The following EIF5A2 variants were observed in gnomAD, a reference collection of about 807,000 sequenced individuals.
EIF5A2 encodes eukaryotic translation initiation factor 5A2, also known as eukaryotic translation initiation factor 5A-2.
EIF5A2 carries 15 observed loss-of-function variants against 16.4 expected under a neutral mutation model. The ratio of observed to expected loss-of-function variants is 0.92; its 90% confidence interval spans 0.61 to 1.41. The LOEUF is 1.41. Among genes scored for constraint, EIF5A2 ranks in the 40% most tolerant of loss-of-function variants. The pLI is 0.00. For synonymous variants in EIF5A2, 48 were observed against 61.1 expected (o/e 0.79, Z 1.00); for missense variants, 144 against 189.5 (o/e 0.76, Z 1.41).
At chr3:170,897,663 A>G (rs1012156434) in intron 3 of EIF5A2, among the ~76,000 whole-genome samples, 1 of 152,232 alleles carries the variant, frequency 6.6e-6, no homozygotes, top group Admixed American at 6.5e-5. Context: ...AAATGCCTGG[A>G]GGTCCAAGCA....
chr3:170,902,363 A>C (rs1021228626), intron 3 of EIF5A2, among the ~76,000 whole-genome samples: 1 of 150,250 alleles, frequency 6.7e-6, no homozygotes, highest in Non-Finnish European at 1.5e-5. Context: ...GTGGATTTGC[A>C]CTGATTATGA....
chr3:170,899,421 TA>T (rs1189966161), intron 3 of EIF5A2, among the ~76,000 whole-genome samples: 1 of 152,094 alleles, frequency 6.6e-6, no homozygotes, highest in African/African-American at 2.4e-5. Flanking sequence ...TTTATTTTTT[TA>T]ATTTTTATTT....
Position 170,891,323 on chromosome 3 carries a change from TA to T in EIF5A2, c.*2036del, listed in dbSNP as rs1443415003. 4.6e-5 allele frequency: 7 copies of T among 152,642 alleles called. No homozygotes were observed. The highest frequency in any genetic ancestry group is 2.9e-5 in the Non-Finnish European group (2 of 68,034). 9.5% of individuals were successfully genotyped at this position (152,642 alleles called of 1,614,324 possible). A position where few individuals can be genotyped will look rare whatever the true frequency, so the allele number is the denominator to read the frequency against. On this transcript the variant is annotated 3_prime_UTR_variant, in exon 5 of 5. Coordinates refer to ENST00000295822, the MANE Select transcript of EIF5A2 (RefSeq NM_020390.6). ...ACTAGAGCAGTATGTAGTAGGTACTTAAATAGAATACTGGAAAGAATGTAGC... is the reference window on the plus strand; with the variant it reads ...ACTAGAGCAGTATGTAGTAGGTACTTAATAGAATACTGGAAAGAATGTAGC...
chr3:170,894,509 T>A lies in EIF5A2; in HGVS notation c.271-86A>T, dbSNP rs1210287241. On this transcript the variant is annotated intron_variant, in intron 3 of 4. Coordinates refer to ENST00000295822, the MANE Select transcript of EIF5A2 (RefSeq NM_020390.6). ...TACATAGTTAAATTGCAATTGATAT[T>A]AATTCATATAAGTATACAGTAATAT... The A allele has an allele frequency of 4.3e-6, 5 of 1,167,284 alleles. No individual in the cohort carries two copies. The Admixed American group carries it at 7.8e-5, about 18-fold the overall frequency. 72.3% of individuals were successfully genotyped at this position (1,167,284 alleles called of 1,614,324 possible).
Position 170,893,416 on chromosome 3 carries a change from A to C in EIF5A2, c.406T>G (p.Ser136Ala). The C allele has an allele frequency of 1.2e-6, 2 of 1,613,876 alleles. No homozygotes were observed. Among genetic ancestry groups the C allele is most frequent in the Non-Finnish European group, 1.7e-6 (2 of 1,179,954 alleles). The change falls in exon 5 of 5, where the codon TCT (serine) becomes GCT (alanine). Residue 136 changes from serine to alanine, a missense_variant. Transcript: ENST00000295822. Reference protein sequence around the residue: ...KYNAGEDVQVSVMCAMSEEYA... With the variant: ...KYNAGEDVQVAVMCAMSEEYA... ...TCTTCACTCATTGCACACATGACAG[A>C]CACCTAGAAGGAAAAAAGCAGGCAA...
chr3:170,896,481 G>A (rs571204100), intron 3 of EIF5A2, among the ~76,000 whole-genome samples: 66 of 152,218 alleles, frequency 4.3e-4, no homozygotes, highest in African/African-American at 1.3e-3. Flanking sequence ...GTCAGTCTCC[G>A]CAATGCTGTT....
At chr3:170,905,415 T>C (rs1215799502) in intron 3 of EIF5A2, among the ~76,000 whole-genome samples, 2 of 152,244 alleles carry the variant, frequency 1.3e-5, no homozygotes, top group Admixed American at 1.3e-4. Context: ...GAACTGCTGA[T>C]ACCATCTTTC....
rs192233758 is a variant in EIF5A2, at chr3:170,893,369, G to A, written c.453C>T (p.Pro151=). The A allele has an allele frequency of 1.2e-6, 2 of 1,613,918 alleles. No individual in the cohort carries two copies. Among genetic ancestry groups the A allele is most frequent in the Admixed American group, 3.3e-5 (2 of 60,018 alleles). The change falls in exon 5 of 5, where the codon CCC becomes CCT. Residue 151 remains proline, a synonymous_variant. Coordinates refer to ENST00000295822, the MANE Select transcript of EIF5A2 (RefSeq NM_020390.6). ...TGCCTGATGTTTCCGTTTATTTGCA[G>A]GGTTTTATGGCTACAGCATATTCTT... The part of the protein sequence containing the change: ...MSEEYAVAIK[P]CK
intron 4 of EIF5A2, 98 bp downstream of exon 4, chr3:170,894,194 T>C (rs1006131617): frequency 7.4e-7 from 1 of 1,351,534 alleles, no homozygotes. Context: ...TAGCAGTATT[T>C]TTAAACCACA....
At chr3:170,894,824 A>C (rs1712629045) in intron 3 of EIF5A2, among the ~76,000 whole-genome samples, 2 of 151,544 alleles carry the variant, frequency 1.3e-5, no homozygotes, top group Admixed American at 6.6e-5. Context: ...CAGGAGATTG[A>C]GACCATCCTG....
chr3:170,896,170 T>C (rs1184380169), intron 3 of EIF5A2, among the ~76,000 whole-genome samples: 1 of 152,232 alleles, frequency 6.6e-6, no homozygotes, highest in Non-Finnish European at 1.5e-5. Flanking sequence ...AGCTATTTTA[T>C]TTTTTAAGAG....
At chr3:170,903,578 C>T (rs1407242710) in intron 3 of EIF5A2, among the ~76,000 whole-genome samples, 8 of 152,174 alleles carry the variant, frequency 5.3e-5, no homozygotes, top group Admixed American at 4.6e-4. Flanking sequence ...GTCCTCGCAA[C>T]ATTGGGCCCT....
Position 170,892,428 on chromosome 3 carries a change from CAAAA to C in EIF5A2, c.*928_*931del, listed in dbSNP as rs34403814. ...TGGCTGATGGAGTGAGACTCAGTCT[CAAAA>C]AAAAAAAAAAAAAAAAGGAAGTTGG... is the stretch of plus-strand genomic sequence containing the variant. On this transcript the variant is annotated 3_prime_UTR_variant, in exon 5 of 5. Coordinates refer to ENST00000295822, the MANE Select transcript of EIF5A2 (RefSeq NM_020390.6). 16 of 81,782 alleles carry C rather than the reference CAAAA, an allele frequency of 2.0e-4. No homozygotes were observed. Among genetic ancestry groups the C allele is most frequent in the East Asian group, 3.7e-4 (1 of 2,730 alleles). The allele number at this position is 81,782 out of a possible 1,614,324, so 5.1% of individuals were successfully genotyped here. A position where few individuals can be genotyped will look rare whatever the true frequency, so the allele number is the denominator to read the frequency against.
chr3:170,894,330 C>G lies in EIF5A2; in HGVS notation c.364G>C (p.Glu122Gln), dbSNP rs1260209400. The change falls in exon 4 of 5, where the codon GAA (glutamate) becomes CAA (glutamine). Residue 122 changes from glutamate (E) to glutamine (Q), a missense_variant. Physicochemically the swap from Glu to Gln is conservative, Grantham distance 29 (BLOSUM62 2). Transcript: ENST00000295822. ...LKLPEGELGK[E>Q]IEGKYNAGED... ...CCTGCATTGTATTTTCCCTCTATTT[C>G]TTTGCCTAGTTCACCTTCTGGCAGT... The G allele has an allele frequency of 6.2e-7, 1 of 1,613,994 alleles. No individual in the cohort carries two copies. Among genetic ancestry groups the G allele is most frequent in the Admixed American group, 1.7e-5 (1 of 60,014 alleles).
intron 3 of EIF5A2, 72 bp from the exon 4 acceptor site, chr3:170,894,495 A>T: frequency 7.4e-7 from 1 of 1,343,224 alleles, no homozygotes. Context: ...ACATAGTTAA[A>T]TTGCAATTGA....
Position 170,899,513 on chromosome 3 carries a change from A to G in EIF5A2, c.271-5090T>C, listed in dbSNP as rs984357481. On this transcript the variant is annotated intron_variant, in intron 3 of 4. Coordinates refer to ENST00000295822, the MANE Select transcript of EIF5A2 (RefSeq NM_020390.6). ...TTCACTGTTTTATAGAATATTCCTC[A>G]GTTTGTGTTTGTCTCACTGTTTCCT... Among the ~76,000 whole-genome samples, 8 of 151,590 alleles carry G rather than the reference A, an allele frequency of 5.3e-5. 1 individual carries two copies. Among genetic ancestry groups the G allele is most frequent in the Admixed American group, 4.6e-4 (7 of 15,238 alleles).
chr3:170,897,646 A>T (rs896324681), intron 3 of EIF5A2, among the ~76,000 whole-genome samples: 2 of 152,186 alleles, frequency 1.3e-5, no homozygotes, highest in Non-Finnish European at 2.9e-5. Context: ...ATTTCAGAGG[A>T]TGTATGAAAT....
At chr3:170,900,401 T>G (rs1409842656) in intron 3 of EIF5A2, among the ~76,000 whole-genome samples, 2 of 151,782 alleles carry the variant, frequency 1.3e-5, no homozygotes, top group African/African-American at 4.8e-5. Flanking sequence ...AATGGGGTAT[T>G]TTTTATTTCC....
intron 1 of EIF5A2, 133 bp downstream of exon 1, chr3:170,908,410 C>T (rs1174539611): frequency 1.3e-5 from 2 of 153,008 alleles, no homozygotes; most frequent in Non-Finnish European, 2.9e-5. Context: ...GTCCCGCGCT[C>T]GCCTCTGTTC....
Sources: allele counts gnomAD v4.1 joint callset (sites outside exome capture counted in the v4.1 genomes callset), GRCh38; gene constraint gnomAD v4.1.1; transcripts MANE v1.5; gene names NCBI Gene and HGNC (gene_info 2026-07-23, HGNC 2026-07-21).